PPP2R2C: variants seen among roughly 807,000 people sequenced by gnomAD.
The protein encoded by PPP2R2C is protein phosphatase 2 regulatory subunit Bgamma.
Under a neutral mutation model 45.3 loss-of-function variants are expected in PPP2R2C, and 10 were observed. That is an observed-to-expected ratio of 0.22 (90% confidence interval 0.14 to 0.37). PPP2R2C has a LOEUF of 0.37. Among genes scored for constraint, PPP2R2C ranks in the 10% least tolerant of loss-of-function variants. PPP2R2C has a pLI of 1.00. For synonymous variants in PPP2R2C, 257 were observed against 245.4 expected (o/e 1.05, Z -0.44); for missense variants, 308 against 619.7 (o/e 0.50, Z 5.34).
intron 1 of PPP2R2C, among the ~76,000 whole-genome samples, chr4:6,413,448 G>A (rs913206249): frequency 6.6e-6 from 1 of 151,652 alleles, no homozygotes; most frequent in African/African-American, 2.4e-5. Flanking sequence ...CTCCAGAGGT[G>A]AGAACTTGCC....
intron 2 of PPP2R2C, among the ~76,000 whole-genome samples, chr4:6,534,504 A>T (rs565880242): frequency 1.3e-5 from 2 of 152,076 alleles, no homozygotes; most frequent in African/African-American, 2.4e-5. Context: ...ACCAACACAT[A>T]CAGCACACAT....
chr4:6,395,360 T>C (rs905116112), intron 1 of PPP2R2C, among the ~76,000 whole-genome samples: 9 of 152,204 alleles, frequency 5.9e-5, no homozygotes, highest in Non-Finnish European at 2.9e-5. Context: ...CAACGGGAAT[T>C]CAGAAACGGA....
chr4:6,459,215 C>T (rs1244577156), intron 1 of PPP2R2C, among the ~76,000 whole-genome samples: 1 of 152,122 alleles, frequency 6.6e-6, no homozygotes, highest in African/African-American at 2.4e-5. Context: ...TAAGATGGCT[C>T]ACTCACCTGC....
chr4:6,461,012 A>G (rs1721292177), intron 1 of PPP2R2C, among the ~76,000 whole-genome samples: 2 of 151,978 alleles, frequency 1.3e-5, no homozygotes, highest in Non-Finnish European at 2.9e-5. Flanking sequence ...CTCTCTACAC[A>G]GGATGCCCTC....
chr4:6,515,251 A>G (rs1723793467), intron 2 of PPP2R2C, among the ~76,000 whole-genome samples: 1 of 152,198 alleles, frequency 6.6e-6, no homozygotes, highest in African/African-American at 2.4e-5. Context: ...TGGGGAAGAG[A>G]GCAAAATACT....
chr4:6,478,133 C>A (rs1185017640), intron 2 of PPP2R2C, among the ~76,000 whole-genome samples: 1 of 152,190 alleles, frequency 6.6e-6, no homozygotes, highest in Non-Finnish European at 1.5e-5. Flanking sequence ...CTCATGCTCC[C>A]GCCGACAGTG....
intron 1 of PPP2R2C, among the ~76,000 whole-genome samples, chr4:6,421,370 T>C (rs1415969269): frequency 6.6e-6 from 1 of 152,148 alleles, no homozygotes; most frequent in Admixed American, 6.5e-5. Flanking sequence ...AAAAAGCTGG[T>C]TTTTCCACTC....
chr4:6,336,567 A>G (rs1287751685), intron 6 of PPP2R2C, among the ~76,000 whole-genome samples: 1 of 151,496 alleles, frequency 6.6e-6, no homozygotes, highest in East Asian at 2.0e-4. Context: ...GCAGGGCCGC[A>G]GGCAGCAAAG....
At chr4:6,376,394 G>A (rs1477324997) in intron 3 of PPP2R2C, among the ~76,000 whole-genome samples, 2 of 152,068 alleles carry the variant, frequency 1.3e-5, no homozygotes, top group Non-Finnish European at 2.9e-5. Flanking sequence ...GGAGCGGAGT[G>A]TAGGGAGTGC....
At chr4:6,517,922 CA>C (rs1485437084) in intron 2 of PPP2R2C, among the ~76,000 whole-genome samples, 1 of 152,190 alleles carries the variant, frequency 6.6e-6, no homozygotes, top group Non-Finnish European at 1.5e-5. Context: ...ATGACTTGTG[CA>C]CAGTCCCAGG....
At chr4:6,413,332 T>C (rs1718312324) in intron 1 of PPP2R2C, among the ~76,000 whole-genome samples, 1 of 152,218 alleles carries the variant, frequency 6.6e-6, no homozygotes, top group South Asian at 2.1e-4. Flanking sequence ...CGATACACAC[T>C]GACACACTCT....
intron 2 of PPP2R2C, among the ~76,000 whole-genome samples, chr4:6,531,961 A>G (rs1724417878): frequency 6.6e-6 from 1 of 152,214 alleles, no homozygotes; most frequent in Non-Finnish European, 1.5e-5. Flanking sequence ...CCAAGGCTAC[A>G]CGTGATAGAA....
At chr4:6,539,983 A>C (rs890073450) in intron 1 of PPP2R2C, among the ~76,000 whole-genome samples, 2 of 152,200 alleles carry the variant, frequency 1.3e-5, no homozygotes, top group African/African-American at 4.8e-5. Flanking sequence ...CCCTGCAGTT[A>C]GCCCTGCCCT....
intron 1 of PPP2R2C, among the ~76,000 whole-genome samples, chr4:6,440,211 A>G (rs1164500632): frequency 6.6e-6 from 1 of 152,240 alleles, no homozygotes; most frequent in Non-Finnish European, 1.5e-5. Context: ...GGAATCAGCA[A>G]TCAACTGAGA....
chr4:6,433,864 G>A (rs556262288), intron 1 of PPP2R2C, among the ~76,000 whole-genome samples: 13 of 152,318 alleles, frequency 8.5e-5, no homozygotes, highest in Middle Eastern at 6.8e-3. Context: ...GTTCGAACTC[G>A]AACAGCTGAC....
At chr4:6,380,969 A>C (rs746855712) in intron 2 of PPP2R2C, 28 bp downstream of exon 2, 1,678 of 1,221,384 alleles carry the variant, frequency 1.4e-3, no homozygotes, top group South Asian at 9.6e-3. Context: ...CACCCCTCCC[A>C]CCTCCCACCA....
chr4:6,535,340 C>G (rs939000996), exon 2 of PPP2R2C: 35 of 1,534,268 alleles, frequency 2.3e-5, no homozygotes, highest in Non-Finnish European at 3.0e-5. Flanking sequence ...GTGACTAACA[C>G]AGGTCATTTC....
chr4:6,350,560 G>C (rs953525870), intron 5 of PPP2R2C: 4 of 985,220 alleles, frequency 4.1e-6, no homozygotes, highest in Non-Finnish European at 4.8e-6. Flanking sequence ...CATTCTCGTT[G>C]TATTTCCTGG....
rs75716208 is a variant in PPP2R2C at position 6,547,547 on chromosome 4, C to G, written c.-58-12170G>C. On this transcript the variant is annotated intron_variant, in intron 1 of 9. Coordinates refer to the PPP2R2C transcript ENST00000506140. Reference sequence around the variant, plus strand: ...AGCATTCCTGCCAAGAAAAACAGGCCTGAGGCTCAATCTAATAAACGCTCT... The same window carrying G: ...AGCATTCCTGCCAAGAAAAACAGGCGTGAGGCTCAATCTAATAAACGCTCT... Among the ~76,000 whole-genome samples, 369 of 152,194 alleles carry G rather than the reference C, an allele frequency of 2.4e-3. 1 individual carries two copies. Among genetic ancestry groups the G allele is most frequent in the African/African-American group, 8.4e-3 (348 of 41,510 alleles).
Sources: allele counts gnomAD v4.1 joint callset (sites outside exome capture counted in the v4.1 genomes callset), GRCh38; gene constraint gnomAD v4.1.1; transcripts MANE v1.5; gene names NCBI Gene and HGNC (gene_info 2026-07-23, HGNC 2026-07-21).